Variants in LMO7 observed in about 807,000 individuals in gnomAD.
The protein encoded by LMO7 is LIM domain only protein 7.
LMO7 carries 120 observed loss-of-function variants against 206.5 expected under a neutral mutation model. The observed-to-expected ratio is 0.58, with a 90% confidence interval of 0.50 to 0.68. LMO7 has a LOEUF of 0.68. Ranked by LOEUF, LMO7 falls within the 30% of genes least tolerant of loss-of-function variation. The probability of loss-of-function intolerance (pLI) is 0.00; values close to 1 mark genes in which losing one functional copy is unlikely to be tolerated. For synonymous variants in LMO7, 706 were observed against 681.5 expected (o/e 1.04, Z -0.56); for missense variants, 1,959 against 1,957.9 (o/e 1.00, Z -0.01).
chr13:75,658,133 C>T (rs981363556), intron 1 of LMO7, among the ~76,000 whole-genome samples: 2 of 151,708 alleles, frequency 1.3e-5, no homozygotes, highest in Non-Finnish European at 2.9e-5. Context: ...TTGCTGCTTC[C>T]TTAAAAATAT....
chr13:75,786,122 A>G (rs957794915), intron 4 of LMO7, among the ~76,000 whole-genome samples: 4 of 152,178 alleles, frequency 2.6e-5, no homozygotes, highest in African/African-American at 9.7e-5. Context: ...CCACCTCTCG[A>G]TAGTACTGTT....
intron 7 of LMO7, among the ~76,000 whole-genome samples, chr13:75,801,814 A>G (rs1477092095): frequency 2.6e-5 from 4 of 152,158 alleles, no homozygotes; most frequent in Non-Finnish European, 5.9e-5. Context: ...TTCTATTTCT[A>G]GATATTTTTC....
At chr13:75,709,857 A>C (rs2042948465) in intron 1 of LMO7, among the ~76,000 whole-genome samples, 2 of 152,150 alleles carry the variant, frequency 1.3e-5, no homozygotes, top group African/African-American at 4.8e-5. Flanking sequence ...GGTGTTTTAG[A>C]CATGAAGTCC....
intron 4 of LMO7, among the ~76,000 whole-genome samples, chr13:75,779,354 CATTCA>C (rs1256009564): frequency 6.6e-6 from 1 of 151,990 alleles, no homozygotes; most frequent in Non-Finnish European, 1.5e-5. Context: ...GGGGAGAACT[CATTCA>C]ATTCATTAGT....
chr13:75,697,911 T>G (rs2042015196), intron 1 of LMO7, among the ~76,000 whole-genome samples: 1 of 152,224 alleles, frequency 6.6e-6, no homozygotes, highest in South Asian at 2.1e-4. Context: ...AAACTGTTTC[T>G]GCAAGTTGTT....
Position 75,808,082 on chromosome 13 carries a change from C to G in LMO7, c.1799C>G (p.Thr600Ser). 1 of 1,613,934 alleles carries G rather than the reference C, an allele frequency of 6.2e-7. No individual in the cohort carries two copies. The highest frequency in any genetic ancestry group is 1.1e-5 in the South Asian group (1 of 91,068). Residue 600 changes from threonine to serine, a missense_variant, in exon 10 of 31, where the codon ACT (threonine) becomes AGT (serine). Thr to Ser is a moderately conservative substitution (Grantham distance 58). Transcript: ENST00000377534. ...AAGATTCAGTCCTGGAAACTGGGAACTACCGTGCCTCCCATCAGTTTCACC... is the reference window on the plus strand; with the variant it reads ...AAGATTCAGTCCTGGAAACTGGGAAGTACCGTGCCTCCCATCAGTTTCACC... ...TRKIQSWKLG[T>S]TVPPISFTPG...
At chr13:75,684,761 A>G (rs1296561179) in intron 1 of LMO7, among the ~76,000 whole-genome samples, 1 of 152,020 alleles carries the variant, frequency 6.6e-6, no homozygotes, top group East Asian at 1.9e-4. Context: ...TGCTGTATAC[A>G]TATATACGTG....
At chr13:75,706,184 G>A (rs2042635428) in intron 1 of LMO7, among the ~76,000 whole-genome samples, 1 of 152,194 alleles carries the variant, frequency 6.6e-6, no homozygotes, top group South Asian at 2.1e-4. Flanking sequence ...AAGTGGCAGA[G>A]CAGGGCTTTA....
chr13:75,646,283 T>C (rs941420207), intron 1 of LMO7, among the ~76,000 whole-genome samples: 1 of 152,210 alleles, frequency 6.6e-6, no homozygotes, highest in African/African-American at 2.4e-5. Context: ...TCTTGCCACA[T>C]CCACCATCAC....
intron 3 of LMO7, among the ~76,000 whole-genome samples, chr13:75,731,890 G>A (rs1458958743): frequency 1.3e-5 from 2 of 151,940 alleles, no homozygotes; most frequent in African/African-American, 2.4e-5. Flanking sequence ...CGCTTATGAA[G>A]CTTAGTTTGG....
At chr13:75,716,196 T>C (rs1396289783) in intron 2 of LMO7, among the ~76,000 whole-genome samples, 1 of 152,204 alleles carries the variant, frequency 6.6e-6, no homozygotes, top group Non-Finnish European at 1.5e-5. Context: ...TAGTACTCTT[T>C]CCTTTTGAAC....
intron 1 of LMO7, among the ~76,000 whole-genome samples, chr13:75,639,287 T>C (rs1256424377): frequency 6.6e-6 from 1 of 152,218 alleles, no homozygotes; most frequent in African/African-American, 2.4e-5. Flanking sequence ...TTGTTTTTAC[T>C]TATTTCAAAT....
Position 75,822,545 on chromosome 13 carries a change from G to A in LMO7, c.2640+936G>A, listed in dbSNP as rs539551657. Among the ~76,000 whole-genome samples the A allele has an allele frequency of 2.6e-5, 4 of 151,744 alleles. No individual in the cohort carries two copies. In the South Asian group the frequency reaches 8.3e-4, roughly 32 times the overall value. On this transcript the variant is annotated intron_variant, in intron 14 of 30. Transcript: ENST00000377534. ...GCAAAATGAATATAGAAAAGTAGTG[G>A]CCAATTCAAGGGAGAGGGGATTCAA...
intron 1 of LMO7, among the ~76,000 whole-genome samples, chr13:75,651,362 T>C (rs553657581): frequency 6.6e-5 from 10 of 150,774 alleles, no homozygotes; most frequent in Non-Finnish European, 1.3e-4. Flanking sequence ...CAGACTGGAG[T>C]GCAGTGCCAT....
chr13:75,845,236 TA>T, intron 25 of LMO7, 90 bp from the exon 26 acceptor site: 2 of 629,824 alleles, frequency 3.2e-6, no homozygotes, highest in Non-Finnish European at 2.6e-6. Context: ...TCAACTGCTT[TA>T]AAAAGCAATC....
intron 2 of LMO7, among the ~76,000 whole-genome samples, chr13:75,625,288 C>T (rs977716728): frequency 1.3e-5 from 2 of 152,160 alleles, no homozygotes; most frequent in African/African-American, 2.4e-5. Flanking sequence ...TTCTCATATT[C>T]TTCTGATTAT....
chr13:75,852,749 CT>C (rs944642113), intron 27 of LMO7, among the ~76,000 whole-genome samples: 2 of 152,156 alleles, frequency 1.3e-5, no homozygotes, highest in African/African-American at 4.8e-5. Context: ...ATACTTGACA[CT>C]TTGTTGTAAA....
intron 5 of LMO7, 127 bp from the exon 6 acceptor site, chr13:75,796,504 TAAAAG>T (rs774192381): frequency 2.7e-5 from 16 of 599,952 alleles, no homozygotes; most frequent in South Asian, 2.2e-4. Context: ...CCCATAAACT[TAAAAG>T]AAAGTCTACT....
rs1254963415 is a variant in LMO7, at chr13:75,858,486, G to A, written c.*543G>A. The A allele has an allele frequency of 6.6e-6, 1 of 152,452 alleles. No homozygotes were observed. The highest frequency in any genetic ancestry group is 2.4e-5 in the African/African-American group (1 of 41,392). The allele number at this position is 152,452 out of a possible 1,614,324, so 9.4% of individuals were successfully genotyped here. On this transcript the variant is annotated 3_prime_UTR_variant, in exon 31 of 31. Coordinates refer to ENST00000377534, the MANE Select transcript of LMO7 (RefSeq NM_001306080.2). ...TCTGATTTTTAAAAATGCAGTTAAT[G>A]TACCATTTATTTGCTTGATGAAGGG...
Sources: allele counts gnomAD v4.1 joint callset (sites outside exome capture counted in the v4.1 genomes callset), GRCh38; gene constraint gnomAD v4.1.1; transcripts MANE v1.5; gene names NCBI Gene and HGNC (gene_info 2026-07-23, HGNC 2026-07-21).